The following NHSL2 variants were observed in gnomAD, a reference collection of about 807,000 sequenced individuals.
The protein encoded by NHSL2 is NHS like 2.
Under a neutral mutation model 53.4 loss-of-function variants are expected in NHSL2, and 27 were observed. The observed-to-expected ratio is 0.51, with a 90% CI of 0.37 to 0.70. The LOEUF is 0.70. Among genes scored for constraint, NHSL2 ranks in the 30% least tolerant of loss-of-function variants. The pLI, the probability that NHSL2 is intolerant of heterozygous loss-of-function variation, is 0.00. For synonymous variants in NHSL2, 408 were observed against 404.1 expected, an observed-to-expected ratio of 1.01 and a Z score of -0.12; for missense variants, 892 against 980.1, an observed-to-expected ratio of 0.91 and a Z score of 1.20.
chrX:72,116,205 C>T (rs921399053), intron 1 of NHSL2, among the ~76,000 whole-genome samples: 6 of 111,956 alleles, frequency 5.4e-5, no homozygotes, highest in Non-Finnish European at 9.4e-5. Flanking sequence ...GTGCCTAGAG[C>T]AATGCCTGTA....
At chrX:71,980,073 G>A (rs1286928305) in intron 1 of NHSL2, among the ~76,000 whole-genome samples, 2 of 112,009 alleles carry the variant, frequency 1.8e-5, no homozygotes, top group East Asian at 5.5e-4. Context: ...GATGGTTGTA[G>A]ATGTGTGGAA....
chrX:72,025,329 G>A (rs959996429), intron 1 of NHSL2, among the ~76,000 whole-genome samples: 4 of 112,641 alleles, frequency 3.6e-5, no homozygotes, highest in Non-Finnish European at 7.5e-5. Flanking sequence ...GCATGACAAA[G>A]GGGTCCACGC....
intron 1 of NHSL2, among the ~76,000 whole-genome samples, chrX:72,110,419 G>C (rs773004856): frequency 9.0e-6 from 1 of 111,157 alleles, no homozygotes; most frequent in South Asian, 3.8e-4. Context: ...CACAGTACCA[G>C]CCACCTAGTA....
intron 1 of NHSL2, among the ~76,000 whole-genome samples, chrX:72,024,154 A>G (rs1288639741): frequency 2.7e-5 from 3 of 111,964 alleles, no homozygotes; most frequent in African/African-American, 9.8e-5. Flanking sequence ...ACCCCTAACA[A>G]CTATAACAAA....
At chrX:71,975,906 T>C (rs976793392) in intron 1 of NHSL2, among the ~76,000 whole-genome samples, 5 of 111,992 alleles carry the variant, frequency 4.5e-5, no homozygotes, top group African/African-American at 1.6e-4. Flanking sequence ...GTCTCACTTT[T>C]AAATGTTGAA....
chrX:72,033,139 A>C (rs762902477), intron 1 of NHSL2, among the ~76,000 whole-genome samples: 15 of 110,801 alleles, frequency 1.4e-4, no homozygotes, highest in Admixed American at 5.7e-4. Flanking sequence ...TGGGATTTTA[A>C]TAGGAATTGT....
chrX:72,064,564 G>A (rs184637237), intron 1 of NHSL2, among the ~76,000 whole-genome samples: 68 of 112,041 alleles, frequency 6.1e-4, no homozygotes, highest in Non-Finnish European at 1.1e-3. Context: ...CTTGGGTTCC[G>A]GGGGGCAGTC....
At chrX:71,948,510 G>A (rs777513640) in intron 1 of NHSL2, among the ~76,000 whole-genome samples, 1 of 111,253 alleles carries the variant, frequency 9.0e-6, no homozygotes, top group Non-Finnish European at 1.9e-5. Context: ...CTCATCCTTC[G>A]TAAAGTTTTT....
intron 1 of NHSL2, among the ~76,000 whole-genome samples, chrX:72,057,869 A>G (rs2042378097): frequency 8.9e-6 from 1 of 112,528 alleles, no homozygotes; most frequent in South Asian, 3.7e-4. Flanking sequence ...TCACCACTAC[A>G]TACTCAGAAA....
intron 1 of NHSL2, among the ~76,000 whole-genome samples, chrX:71,997,301 C>G (rs2147881567): frequency 9.0e-6 from 1 of 111,692 alleles, no homozygotes; most frequent in South Asian, 3.8e-4. Context: ...CTTACAGCCT[C>G]CCTCGTGCAG....
chrX:71,973,369 A>G (rs913908025), intron 1 of NHSL2, among the ~76,000 whole-genome samples: 1 of 111,827 alleles, frequency 8.9e-6, no homozygotes, highest in Non-Finnish European at 1.9e-5. Flanking sequence ...TCTTGTTGCT[A>G]CTAGTTTCAT....
chrX:71,914,435 T>C (rs961203028), intron 1 of NHSL2, among the ~76,000 whole-genome samples: 2 of 112,358 alleles, frequency 1.8e-5, no homozygotes, highest in Admixed American at 1.9e-4. Flanking sequence ...TCCTTTGCCA[T>C]CAAGGAAGTC....
intron 1 of NHSL2, among the ~76,000 whole-genome samples, chrX:72,078,024 G>C (rs2041758608): frequency 8.9e-6 from 1 of 112,733 alleles, no homozygotes; most frequent in Admixed American, 9.3e-5. Context: ...TATGGCACAG[G>C]TCCTTTTATT....
chrX:72,132,164 C>T lies in NHSL2; in HGVS notation c.366C>T (p.Ser122=). ...GACAGCCAGTGAACGTGTTCCTCTCCTCGGGCAGGCCCCCGAGTGTAGAGG... is the reference window on the plus strand; with the variant it reads ...GACAGCCAGTGAACGTGTTCCTCTCTTCGGGCAGGCCCCCGAGTGTAGAGG... ...SWRQPVNVFL[S]SGRPPSVEEL... The change falls in exon 2 of 8, where the codon TCC becomes TCT. Residue 122 remains serine, a synonymous_variant. Transcript: ENST00000633930. The T allele has an allele frequency of 8.6e-7, 1 of 1,166,853 alleles. No homozygotes were observed. Among genetic ancestry groups the T allele is most frequent in the East Asian group, 3.3e-5 (1 of 30,638 alleles).
chrX:72,052,460 T>G (rs1283823700), intron 1 of NHSL2, among the ~76,000 whole-genome samples: 1 of 112,633 alleles, frequency 8.9e-6, no homozygotes, highest in Non-Finnish European at 1.9e-5. Context: ...CAGGAGCCTG[T>G]GACCTTCAGG....
chrX:71,945,796 T>C (rs2041789662), intron 1 of NHSL2, among the ~76,000 whole-genome samples: 1 of 111,780 alleles, frequency 8.9e-6, no homozygotes, highest in Non-Finnish European at 1.9e-5. Context: ...CAGCAATAGC[T>C]GCCATTTATT....
chrX:71,925,505 C>A (rs1054713666), intron 1 of NHSL2, among the ~76,000 whole-genome samples: 1 of 109,382 alleles, frequency 9.1e-6, no homozygotes, highest in African/African-American at 3.3e-5. Context: ...CAGCTCACTG[C>A]AAGCTCCGCC....
chrX:72,115,912 T>C (rs1428595175), intron 1 of NHSL2, among the ~76,000 whole-genome samples: 1 of 110,901 alleles, frequency 9.0e-6, no homozygotes, highest in African/African-American at 3.3e-5. Context: ...TCCTGGGCCT[T>C]CCCCAGGACA....
intron 1 of NHSL2, among the ~76,000 whole-genome samples, chrX:71,914,334 A>G (rs2041618108): frequency 8.9e-6 from 1 of 112,451 alleles, no homozygotes; most frequent in South Asian, 3.7e-4. Context: ...TAAGCTTTCC[A>G]ACTTCTCCCT....
Sources: allele counts gnomAD v4.1 joint callset (sites outside exome capture counted in the v4.1 genomes callset), GRCh38; gene constraint gnomAD v4.1.1; transcripts MANE v1.5; gene names NCBI Gene and HGNC (gene_info 2026-07-23, HGNC 2026-07-21).